The following SERINC1 variants were observed in gnomAD, a reference collection of about 807,000 sequenced individuals.
The protein encoded by SERINC1 is serine incorporator 1.
Under a neutral mutation model 52.9 loss-of-function variants are expected in SERINC1, and 38 were observed. The observed-to-expected ratio is 0.72, with a 90% CI of 0.55 to 0.94. The LOEUF is 0.94. Among genes scored for constraint, SERINC1 ranks in the 40% least tolerant of loss-of-function variants. The probability of loss-of-function intolerance (pLI) is 0.00; values close to 1 mark genes in which losing one functional copy is unlikely to be tolerated. For missense variants in SERINC1, 471 were observed against 533.9 expected (o/e 0.88, Z 1.16); for synonymous variants, 198 against 183.1 (o/e 1.08, Z -0.66).
intron 1 of SERINC1, among the ~76,000 whole-genome samples, chr6:122,460,790 T>C (rs1168479708): frequency 1.3e-5 from 2 of 152,174 alleles, no homozygotes; most frequent in African/African-American, 4.8e-5. Flanking sequence ...ACTGAGTTCA[T>C]TTATAAATAG....
At chr6:122,445,248 C>G (rs1342614548) in intron 9 of SERINC1, 69 bp from the exon 10 acceptor site, 1 of 1,475,654 alleles carries the variant, frequency 6.8e-7, no homozygotes, top group Admixed American at 1.8e-5. Flanking sequence ...AGCTATGAAG[C>G]TTCATTAATT....
At chr6:122,454,093 T>C in intron 4 of SERINC1, 58 bp downstream of exon 4, 1 of 1,252,438 alleles carries the variant, frequency 8.0e-7, no homozygotes, top group South Asian at 1.4e-5. Context: ...CAGGTGACAA[T>C]TATTTCAGAT....
intron 9 of SERINC1, among the ~76,000 whole-genome samples, chr6:122,445,648 G>T (rs1774779354): frequency 6.6e-6 from 1 of 150,412 alleles, no homozygotes; most frequent in Non-Finnish European, 1.5e-5. Context: ...TAAGAGACTG[G>T]GAAGGAAATA....
At chr6:122,468,788 C>G (rs1468563980) in intron 1 of SERINC1, among the ~76,000 whole-genome samples, 1 of 151,970 alleles carries the variant, frequency 6.6e-6, no homozygotes, top group African/African-American at 2.4e-5. Flanking sequence ...ACTGTATTAA[C>G]AAAAATTTAG....
intron 3 of SERINC1, 108 bp downstream of exon 3, chr6:122,456,373 C>T: frequency 3.2e-6 from 2 of 622,806 alleles, no homozygotes; most frequent in East Asian, 3.2e-5. Flanking sequence ...TAAAGTAATT[C>T]TGCAAATTGT....
chr6:122,455,983 G>A (rs1458274927), intron 3 of SERINC1, among the ~76,000 whole-genome samples: 2 of 151,910 alleles, frequency 1.3e-5, no homozygotes, highest in African/African-American at 2.4e-5. Context: ...TTTGTCTTTG[G>A]TAGCACATAT....
intron 7 of SERINC1, among the ~76,000 whole-genome samples, chr6:122,448,957 T>C (rs145340616): frequency 6.6e-6 from 1 of 152,334 alleles, no homozygotes; most frequent in East Asian, 1.9e-4. Context: ...CAATTTGTCA[T>C]TATTATTAAT....
At chr6:122,454,494 G>T in intron 3 of SERINC1, 1 of 317,598 alleles carries the variant, frequency 3.1e-6, no homozygotes, top group South Asian at 5.5e-5. Flanking sequence ...TTTCCAATTG[G>T]AAAAAACAAA....
intron 6 of SERINC1, 40 bp downstream of exon 6, chr6:122,451,848 G>C (rs778883489): frequency 1.5e-6 from 2 of 1,361,098 alleles, no homozygotes; most frequent in East Asian, 2.9e-5. Flanking sequence ...AACTTAAAAA[G>C]GTATAAGCTT....
At chr6:122,457,742 T>C (rs1775023958) in intron 2 of SERINC1, among the ~76,000 whole-genome samples, 1 of 152,020 alleles carries the variant, frequency 6.6e-6, no homozygotes, top group Non-Finnish European at 1.5e-5. Flanking sequence ...TAAATTTTTG[T>C]TGTCTTAAGC....
chr6:122,465,220 T>G (rs991139193), intron 1 of SERINC1, among the ~76,000 whole-genome samples: 1 of 152,112 alleles, frequency 6.6e-6, no homozygotes, highest in East Asian at 1.9e-4. Flanking sequence ...CACAATTCAT[T>G]TGGCAGAATC....
chr6:122,463,215 T>C (rs1775135650), intron 1 of SERINC1, among the ~76,000 whole-genome samples: 1 of 152,234 alleles, frequency 6.6e-6, no homozygotes, highest in Admixed American at 6.5e-5. Flanking sequence ...GGATAATCTT[T>C]TTAACAGATG....
intron 1 of SERINC1, among the ~76,000 whole-genome samples, chr6:122,467,881 G>A (rs1337928262): frequency 6.6e-6 from 1 of 152,044 alleles, no homozygotes; most frequent in Non-Finnish European, 1.5e-5. Flanking sequence ...TGAAATCAAG[G>A]GATGACTGCT....
intron 5 of SERINC1, among the ~76,000 whole-genome samples, chr6:122,453,046 C>A (rs1471137441): frequency 6.6e-6 from 1 of 152,132 alleles, no homozygotes; most frequent in Non-Finnish European, 1.5e-5. Context: ...AGTTCACATT[C>A]CCACAAGGCA....
Position 122,444,965 on chromosome 6 carries a change from A to C in SERINC1, c.*79T>G. The C allele has an allele frequency of 7.1e-7, 1 of 1,411,942 alleles. No homozygotes were observed. The highest frequency in any genetic ancestry group is 2.0e-5 in the Admixed American group (1 of 50,236). 87.5% of individuals were successfully genotyped at this position (1,411,942 alleles called of 1,614,324 possible). On this transcript the variant is annotated 3_prime_UTR_variant, in exon 10 of 10. Coordinates refer to ENST00000339697, the MANE Select transcript of SERINC1 (RefSeq NM_020755.4). ...GAAGTTACATGGGAAGCAAAAACAT[A>C]CACAACTTTACAAAAGTTGGGAATA...
At chr6:122,460,992 G>A (rs1418849609) in intron 1 of SERINC1, among the ~76,000 whole-genome samples, 1 of 151,850 alleles carries the variant, frequency 6.6e-6, no homozygotes, top group Non-Finnish European at 1.5e-5. Context: ...GAAGACATAA[G>A]AAAATAAATG....
At chr6:122,454,575 A>G (rs1182339925) in intron 3 of SERINC1, 2 of 223,280 alleles carry the variant, frequency 9.0e-6, no homozygotes, top group South Asian at 9.3e-5. Flanking sequence ...ACCACGCTAG[A>G]GGAAGCATCA....
rs1379332179 is a variant in SERINC1 at position 122,445,027 on chromosome 6, C to G, written c.*17G>C. 11 of 1,602,722 alleles carry G rather than the reference C, an allele frequency of 6.9e-6. No individual in the cohort carries two copies. The Admixed American group carries it at 1.9e-4, about 28-fold the overall frequency. ...TAAGCAATAATCAAAGTGGGACTTT[C>G]ATGCTAGAAGTCTCACTCAGTCAAA... is the stretch of plus-strand genomic sequence containing the variant. On this transcript the variant is annotated 3_prime_UTR_variant, in exon 10 of 10. Transcript: ENST00000339697.
At chr6:122,453,507 T>G (rs1774946476) in intron 5 of SERINC1, among the ~76,000 whole-genome samples, 1 of 152,196 alleles carries the variant, frequency 6.6e-6, no homozygotes, top group African/African-American at 2.4e-5. Flanking sequence ...TTCAGTAATA[T>G]GCTTTGGAAC....
Sources: allele counts gnomAD v4.1 joint callset (sites outside exome capture counted in the v4.1 genomes callset), GRCh38; gene constraint gnomAD v4.1.1; transcripts MANE v1.5; gene names NCBI Gene and HGNC (gene_info 2026-07-23, HGNC 2026-07-21).